Variants in PDE1C observed in about 807,000 individuals in gnomAD.
PDE1C encodes the protein phosphodiesterase 1C.
PDE1C carries 62 observed loss-of-function variants against 93.1 expected under a neutral mutation model. The ratio of observed to expected loss-of-function variants is 0.67; its 90% CI spans 0.54 to 0.82. The LOEUF is 0.82. Ranked by LOEUF, PDE1C falls within the 40% of genes least tolerant of loss-of-function variation. The probability of loss-of-function intolerance (pLI) is 0.00; values close to 1 mark genes in which losing one functional copy is unlikely to be tolerated. For synonymous variants in PDE1C, 325 were observed against 310.1 expected, an observed-to-expected ratio of 1.05 and a Z score of -0.50; for missense variants, 742 against 884.6, an observed-to-expected ratio of 0.84 and a Z score of 2.04.
intron 1 of PDE1C, among the ~76,000 whole-genome samples, chr7:32,065,450 C>T (rs6967689): frequency 0.32 from 48,900 of 151,934 alleles, 9,659 homozygotes; most frequent in Non-Finnish European, 0.46. Flanking sequence ...TCTGTAACAC[C>T]TTCTCTGGCC....
At chr7:32,176,887 G>C (rs1038038621) in intron 2 of PDE1C, among the ~76,000 whole-genome samples, 7 of 152,142 alleles carry the variant, frequency 4.6e-5, no homozygotes, top group African/African-American at 1.4e-4. Context: ...ACAGACAGTA[G>C]GAGAAGGTAA....
chr7:32,369,323 G>C (rs995379966), intron 1 of PDE1C, among the ~76,000 whole-genome samples: 20 of 152,076 alleles, frequency 1.3e-4, no homozygotes, highest in African/African-American at 4.6e-4. Flanking sequence ...TGTAAAAGTA[G>C]GCAAAAGATT....
At chr7:32,188,028 A>G (rs1387219146) in intron 2 of PDE1C, among the ~76,000 whole-genome samples, 1 of 152,206 alleles carries the variant, frequency 6.6e-6, no homozygotes, top group Non-Finnish European at 1.5e-5. Flanking sequence ...TGAGATACAC[A>G]AGAACAACAA....
chr7:32,068,551 C>T (rs1795668255), intron 1 of PDE1C, among the ~76,000 whole-genome samples: 1 of 152,168 alleles, frequency 6.6e-6, no homozygotes, highest in Non-Finnish European at 1.5e-5. Flanking sequence ...TGAGTAGATA[C>T]AAGAGACTAG....
At chr7:31,677,431 A>G in the PDE1C span, among the ~76,000 whole-genome samples, 1 of 152,210 alleles carries the variant, frequency 6.6e-6, no homozygotes, top group African/African-American at 2.4e-5. Context: ...TGTAATGGCA[A>G]AATTAAAAAA....
At chr7:31,759,957 G>A (rs1794728102) in intron 17 of PDE1C, among the ~76,000 whole-genome samples, 1 of 151,716 alleles carries the variant, frequency 6.6e-6, no homozygotes, top group Non-Finnish European at 1.5e-5. Flanking sequence ...TTGGTATGGG[G>A]AACAGTTGTA....
intron 15 of PDE1C, among the ~76,000 whole-genome samples, chr7:31,814,727 T>C (rs897988028): frequency 1.3e-5 from 2 of 148,840 alleles, no homozygotes; most frequent in African/African-American, 5.0e-5. Flanking sequence ...ATACATGCTA[T>C]TTGTTGTTAT....
chr7:32,327,533 C>T (rs1242704454), intron 1 of PDE1C, among the ~76,000 whole-genome samples: 2 of 152,040 alleles, frequency 1.3e-5, no homozygotes, highest in African/African-American at 4.8e-5. Context: ...CTTTGGGAGG[C>T]CGAAGTGGGT....
At chr7:32,320,111 C>A in intron 1 of PDE1C, among the ~76,000 whole-genome samples, 1 of 152,198 alleles carries the variant, frequency 6.6e-6, no homozygotes, top group East Asian at 1.9e-4. Context: ...ACACTACCAA[C>A]TGACAGATTT....
chr7:31,718,268 T>A, the PDE1C span, among the ~76,000 whole-genome samples: 1 of 151,786 alleles, frequency 6.6e-6, no homozygotes, highest in Admixed American at 6.6e-5. Flanking sequence ...ATAGCCCAGA[T>A]TGAGACCGGG....
chr7:31,655,783 G>T, the PDE1C span: 1 of 985,598 alleles, frequency 1.0e-6, no homozygotes, highest in Non-Finnish European at 1.2e-6. Flanking sequence ...CTTTACCCAG[G>T]TTGGGCTTTT....
chr7:32,133,725 G>A (rs766158403), intron 3 of PDE1C, among the ~76,000 whole-genome samples: 10 of 152,028 alleles, frequency 6.6e-5, no homozygotes, highest in Non-Finnish European at 1.3e-4. Context: ...ACAAAATCTA[G>A]AATCTCTGCA....
intron 2 of PDE1C, among the ~76,000 whole-genome samples, chr7:31,936,642 G>A (rs889584469): frequency 5.9e-5 from 9 of 152,108 alleles, no homozygotes; most frequent in Non-Finnish European, 7.4e-5. Flanking sequence ...GCATACAAGT[G>A]TAGTCACTTT....
At chr7:32,065,444 T>C (rs1459603408) in intron 1 of PDE1C, among the ~76,000 whole-genome samples, 1 of 152,236 alleles carries the variant, frequency 6.6e-6, no homozygotes, top group Non-Finnish European at 1.5e-5. Context: ...CTGTAGTCTG[T>C]AACACCTTCT....
chr7:32,181,235 T>C (rs1231680337), intron 2 of PDE1C, among the ~76,000 whole-genome samples: 3 of 152,104 alleles, frequency 2.0e-5, no homozygotes, highest in Non-Finnish European at 4.4e-5. Flanking sequence ...ATTAGACAGA[T>C]CAACGAGACA....
At chr7:31,972,962 A>C (rs1464654607) in intron 2 of PDE1C, among the ~76,000 whole-genome samples, 2 of 152,166 alleles carry the variant, frequency 1.3e-5, no homozygotes, top group African/African-American at 4.8e-5. Context: ...GCAGGAACTG[A>C]GTGACAACCC....
At chr7:31,728,712 C>T in the PDE1C span, among the ~76,000 whole-genome samples, 2 of 152,144 alleles carry the variant, frequency 1.3e-5, no homozygotes, top group Non-Finnish European at 2.9e-5. Flanking sequence ...GCCTACTCTG[C>T]CTAGAGTTAA....
At chr7:32,029,672 A>G (rs1395644900) in intron 2 of PDE1C, among the ~76,000 whole-genome samples, 1 of 152,160 alleles carries the variant, frequency 6.6e-6, no homozygotes, top group African/African-American at 2.4e-5. Context: ...GTTTAAGAGC[A>G]GGATTCCCAC....
intron 3 of PDE1C, among the ~76,000 whole-genome samples, chr7:32,122,206 A>G (rs1252956331): frequency 6.6e-6 from 1 of 152,264 alleles, no homozygotes; most frequent in Admixed American, 6.5e-5. Flanking sequence ...ATATAGGAGC[A>G]GCCAGATTTA....
Sources: gnomAD v4.1 joint callset for allele counts (sites outside exome capture counted in the v4.1 genomes callset) on GRCh38, gnomAD v4.1.1 for gene constraint, MANE v1.5 for transcripts, NCBI Gene and HGNC (gene_info 2026-07-23, HGNC 2026-07-21) for gene names.